LIMK2: variants seen among roughly 807,000 people sequenced by gnomAD.
LIMK2 encodes the protein LIM domain kinase 2.
A neutral mutation model predicts 75.7 loss-of-function variants in LIMK2; 35 were observed. The observed-to-expected ratio is 0.46, with a 90% CI of 0.35 to 0.61. LIMK2 has a LOEUF of 0.61. Among genes scored for constraint, LIMK2 ranks in the 20% least tolerant of loss-of-function variants. The probability of loss-of-function intolerance (pLI) is 0.00; values close to 1 mark genes in which losing one functional copy is unlikely to be tolerated. For synonymous variants in LIMK2, 301 were observed against 319.2 expected (o/e 0.94, Z 0.61); for missense variants, 623 against 831.0 (o/e 0.75, Z 3.08).
chr22:31,278,514 G>A lies in LIMK2; in HGVS notation c.*73G>A. On this transcript the variant is annotated 3_prime_UTR_variant, in exon 16 of 16. Coordinates refer to ENST00000331728, the MANE Select transcript of LIMK2 (RefSeq NM_005569.4). ...CCTCTGTGCCCCATTCCTGCTGTGA[G>A]CAGGGCCGTCCGGGCTTCCTGTGGA... 6.8e-7 allele frequency: 1 copy of A among 1,468,152 alleles called. No homozygotes were observed. Among genetic ancestry groups the A allele is most frequent in the Non-Finnish European group, 9.1e-7 (1 of 1,103,936 alleles). The allele number at this position is 1,468,152 out of a possible 1,614,324, so 90.9% of individuals were successfully genotyped here.
At chr22:31,272,876 G>A in intron 13 of LIMK2, 172 bp downstream of exon 13, 1 of 1,401,202 alleles carries the variant, frequency 7.1e-7, no homozygotes, top group Non-Finnish European at 9.3e-7. Context: ...CCTGAGCTCA[G>A]GGGGCTGGGA....
chr22:31,268,002 T>C, intron 10 of LIMK2, 95 bp downstream of exon 10: 3 of 1,552,708 alleles, frequency 1.9e-6, no homozygotes, highest in South Asian at 2.3e-5. Context: ...AGAGGGGCCC[T>C]GCTTTGCCTC....
intron 1 of LIMK2, among the ~76,000 whole-genome samples, chr22:31,221,645 T>G (rs1217046823): frequency 6.6e-6 from 1 of 151,970 alleles, no homozygotes; most frequent in Non-Finnish European, 1.5e-5. Flanking sequence ...CCACCATGCC[T>G]GGCTAATTTT....
intron 3 of LIMK2, 169 bp from the exon 4 acceptor site, chr22:31,258,952 G>A: frequency 1.8e-6 from 1 of 561,970 alleles, no homozygotes; most frequent in Non-Finnish European, 3.2e-6. Context: ...AATGACAGGA[G>A]GTACCAATCT....
chr22:31,218,335 C>T (rs547058238), intron 1 of LIMK2, among the ~76,000 whole-genome samples: 1 of 152,196 alleles, frequency 6.6e-6, no homozygotes, highest in South Asian at 2.1e-4. Flanking sequence ...CCAAATAAAC[C>T]AAAGAAGGGA....
At chr22:31,214,171 C>T (rs533611160) in intron 1 of LIMK2, among the ~76,000 whole-genome samples, 1 of 152,078 alleles carries the variant, frequency 6.6e-6, no homozygotes, top group African/African-American at 2.4e-5. Flanking sequence ...TGTCTTGAAC[C>T]CTGTTTCTTA....
chr22:31,247,343 C>G (rs530247731), intron 2 of LIMK2, among the ~76,000 whole-genome samples: 1 of 152,272 alleles, frequency 6.6e-6, no homozygotes, highest in South Asian at 2.1e-4. Context: ...AGGTGGGCTC[C>G]CATTCCAGAT....
chr22:31,214,554 A>G (rs879356074), intron 1 of LIMK2, among the ~76,000 whole-genome samples: 2 of 151,934 alleles, frequency 1.3e-5, no homozygotes, highest in Admixed American at 1.3e-4. Flanking sequence ...TCAACCTCCC[A>G]AAGTGCTGGG....
intron 11 of LIMK2, among the ~76,000 whole-genome samples, chr22:31,269,322 C>G (rs1200640015): frequency 2.0e-5 from 2 of 100,796 alleles, no homozygotes; most frequent in African/African-American, 4.0e-5. Context: ...GAGACAGGTT[C>G]TCACTTTGTT....
chr22:31,272,227 ATT>A (rs34015226), intron 12 of LIMK2, among the ~76,000 whole-genome samples: 13 of 130,992 alleles, frequency 9.9e-5, no homozygotes, highest in Admixed American at 7.7e-5. Context: ...CGCCCAGCTA[ATT>A]TTTTTTTTTT....
chr22:31,267,675 T>TA, intron 9 of LIMK2, 101 bp from the exon 10 acceptor site: 2 of 1,283,914 alleles, frequency 1.6e-6, no homozygotes, highest in Admixed American at 2.3e-5. Context: ...AGGTAGGAGA[T>TA]ACAGGTGGTA....
At chr22:31,274,573 G>A (rs1219048108) in intron 14 of LIMK2, among the ~76,000 whole-genome samples, 2 of 152,000 alleles carry the variant, frequency 1.3e-5, no homozygotes, top group African/African-American at 2.4e-5. Flanking sequence ...GCTAATTTTT[G>A]TATTTTCAGT....
chr22:31,217,187 G>A (rs912457287), intron 1 of LIMK2, among the ~76,000 whole-genome samples: 2 of 152,078 alleles, frequency 1.3e-5, no homozygotes, highest in African/African-American at 4.8e-5. Context: ...GGATCACAAG[G>A]TCAGGAGTTC....
chr22:31,223,793 C>T (rs2048456576), intron 1 of LIMK2, among the ~76,000 whole-genome samples: 1 of 152,012 alleles, frequency 6.6e-6, no homozygotes, highest in Non-Finnish European at 1.5e-5. Flanking sequence ...GATTTTAGAC[C>T]CAGGAAGAAT....
In LIMK2 at chr22:31,212,405, G is replaced by T. The variant is rs936994715; in HGVS notation, c.-4G>T. ...CTCCTCCCCATTTCCGCGCTCCCGG[G>T]ACCATGTCCGCGCTGGCGGGTAAGG... On this transcript the variant is annotated 5_prime_UTR_variant, in exon 1 of 16. Transcript: ENST00000331728. The T allele has an allele frequency of 2.2e-6, 3 of 1,339,056 alleles. No individual in the cohort carries two copies. The highest frequency in any genetic ancestry group is 9.7e-7 in the Non-Finnish European group (1 of 1,034,282). The allele number at this position is 1,339,056 out of a possible 1,614,324, so 82.9% of individuals were successfully genotyped here. A position where few individuals can be genotyped will look rare whatever the true frequency, so the allele number is the denominator to read the frequency against.
At chr22:31,217,496 T>G (rs563041444) in intron 1 of LIMK2, among the ~76,000 whole-genome samples, 18 of 152,278 alleles carry the variant, frequency 1.2e-4, no homozygotes, top group African/African-American at 4.3e-4. Context: ...TTCCGTAAAA[T>G]GAGAACAATA....
chr22:31,272,664 G>A lies in LIMK2; in HGVS notation c.1518G>A (p.Val506=). Residue 506 remains valine, a synonymous_variant, in exon 13 of 16, where the codon GTG becomes GTA. Transcript: ENST00000331728. The part of the protein sequence containing the change: ...RKNDRKKRYT[V]VGNPYWMAPE... ...ACGACCGCAAGAAGCGCTACACGGT[G>A]GTGGGAAACCCCTACTGGATGGCCC... 3 of 1,613,252 alleles carry A rather than the reference G, an allele frequency of 1.9e-6. No homozygotes were observed. The highest frequency in any genetic ancestry group is 2.5e-6 in the Non-Finnish European group (3 of 1,179,640).
rs2048425256 is a variant in LIMK2 at position 31,220,600 on chromosome 22, G to A, written c.17-5120G>A. On this transcript the variant is annotated intron_variant, in intron 1 of 15. Transcript: ENST00000331728. The stretch of plus-strand genomic sequence containing the variant: ...GAACTGTAATTAAATAACAAATTAT[G>A]TAAAATAGGTATAGACAAAATGAAA... 2.0e-5 allele frequency among the ~76,000 whole-genome samples: 3 copies of A among 152,210 alleles called. No homozygotes were observed. In the South Asian group the frequency reaches 6.2e-4, roughly 32 times the overall value.
At chr22:31,268,414 CAAACAGGGCACGGACAA>C (rs2048918821) in intron 11 of LIMK2, among the ~76,000 whole-genome samples, 1 of 127,674 alleles carries the variant, frequency 7.8e-6, no homozygotes, top group Non-Finnish European at 1.7e-5. Context: ...TCTCTAAAGG[CAAACAGGGCACGGACAA>C]GGCAAACTGG....
Sources: gnomAD v4.1 joint callset for allele counts (sites outside exome capture counted in the v4.1 genomes callset) on GRCh38, gnomAD v4.1.1 for gene constraint, MANE v1.5 for transcripts, NCBI Gene and HGNC (gene_info 2026-07-23, HGNC 2026-07-21) for gene names.